Variants in UBE2U observed in about 807,000 individuals in gnomAD.
The protein encoded by UBE2U is ubiquitin conjugating enzyme E2 U.
Under a neutral mutation model 41.2 loss-of-function variants are expected in UBE2U, and 39 were observed. The observed-to-expected ratio is 0.95, with a 90% CI of 0.73 to 1.24. UBE2U has a LOEUF of 1.24. Ranked by LOEUF, UBE2U falls within the 50% of genes most tolerant of loss-of-function variation. UBE2U has a pLI of 0.00. For missense variants in UBE2U, 336 were observed against 363.1 expected, an observed-to-expected ratio of 0.93 and a Z score of 0.61; for synonymous variants, 107 against 117.8, an observed-to-expected ratio of 0.91 and a Z score of 0.60.
At chr1:64,222,106 A>AAC (rs1356322339) in intron 6 of UBE2U, among the ~76,000 whole-genome samples, 2 of 151,428 alleles carry the variant, frequency 1.3e-5, no homozygotes, top group Non-Finnish European at 2.9e-5. Context: ...AAAAAAAAAA[A>AAC]AAACACAAAA....
At chr1:64,241,834 A>T (rs1644840028) in intron 8 of UBE2U, 101 bp downstream of exon 8, 1 of 827,112 alleles carries the variant, frequency 1.2e-6, no homozygotes, top group Admixed American at 2.9e-5. Flanking sequence ...AACCCTTGGA[A>T]ATAACAACTT....
At chr1:64,239,149 AG>A (rs1451374169) in intron 7 of UBE2U, among the ~76,000 whole-genome samples, 14 of 24,220 alleles carry the variant, frequency 5.8e-4, no homozygotes, top group African/African-American at 2.8e-3. Context: ...AAGAAGAAGA[AG>A]AAGAAGAAAG....
intron 9 of UBE2U, 118 bp downstream of exon 9, chr1:64,260,812 G>A: frequency 2.8e-6 from 2 of 711,440 alleles, no homozygotes; most frequent in South Asian, 4.8e-5. Context: ...TAATCCTTGT[G>A]TTCTCCTTTT....
At chr1:64,225,271 T>C (rs145863897) in intron 6 of UBE2U, among the ~76,000 whole-genome samples, 38 of 151,822 alleles carry the variant, frequency 2.5e-4, no homozygotes, top group Non-Finnish European at 5.3e-4. Flanking sequence ...ATTGGGAGAG[T>C]AATGTGAAGA....
At chr1:64,230,227 TC>T (rs897156270) in intron 6 of UBE2U, among the ~76,000 whole-genome samples, 1 of 152,144 alleles carries the variant, frequency 6.6e-6, no homozygotes, top group Non-Finnish European at 1.5e-5. Flanking sequence ...TCCTATCTGG[TC>T]CCCTGGCATT....
At chr1:64,221,240 T>G (rs556179013) in intron 6 of UBE2U, among the ~76,000 whole-genome samples, 1 of 152,174 alleles carries the variant, frequency 6.6e-6, no homozygotes, top group South Asian at 2.1e-4. Flanking sequence ...GCCTCCCAAG[T>G]AGCTGCAATT....
At chr1:64,229,315 T>C (rs1324740688) in intron 6 of UBE2U, among the ~76,000 whole-genome samples, 1 of 152,110 alleles carries the variant, frequency 6.6e-6, no homozygotes, top group Non-Finnish European at 1.5e-5. Flanking sequence ...GTAGAAAAAC[T>C]ACAAGGAAGC....
intron 8 of UBE2U, among the ~76,000 whole-genome samples, chr1:64,256,486 T>G (rs1069696): frequency 0.18 from 27,925 of 151,818 alleles, 2,979 homozygotes; most frequent in Non-Finnish European, 0.24. Context: ...CTGTCTGATC[T>G]TCAACAAACC....
chr1:64,230,753 C>G (rs985900116), intron 6 of UBE2U, among the ~76,000 whole-genome samples: 1 of 152,176 alleles, frequency 6.6e-6, no homozygotes, highest in Non-Finnish European at 1.5e-5. Context: ...CCATATAACA[C>G]TTTATCGCGT....
chr1:64,211,180 G>T (rs1330066121), intron 4 of UBE2U, among the ~76,000 whole-genome samples: 1 of 152,138 alleles, frequency 6.6e-6, no homozygotes, highest in African/African-American at 2.4e-5. Context: ...AAGCCTTTTA[G>T]ATCTTTCTTC....
intron 8 of UBE2U, among the ~76,000 whole-genome samples, chr1:64,255,255 T>A (rs1476535265): frequency 6.6e-6 from 1 of 151,452 alleles, no homozygotes; most frequent in Non-Finnish European, 1.5e-5. Context: ...CAATAATGAG[T>A]TCTGAAATTG....
chr1:64,260,351 GT>G (rs995128368), intron 8 of UBE2U, among the ~76,000 whole-genome samples: 11 of 152,180 alleles, frequency 7.2e-5, no homozygotes, highest in African/African-American at 2.4e-4. Flanking sequence ...TTACTATGAT[GT>G]TTTTTACTAT....
Position 64,225,305 on chromosome 1 carries a change from T to G in UBE2U, c.506+4398T>G, listed in dbSNP as rs116101055. On this transcript the variant is annotated intron_variant, in intron 6 of 9. Transcript: ENST00000371077. ...GACCCTAAATTTAGTATTTGTATGC[T>G]GTGAGAGAATCAGTAAGAAGGCTGC... Among the ~76,000 whole-genome samples, 1,128 of 152,280 alleles carry G rather than the reference T, an allele frequency of 7.4e-3. 13 individuals are homozygous for G. Among genetic ancestry groups the G allele is most frequent in the African/African-American group, 0.026 (1,091 of 41,550 alleles).
rs1237111502 is a variant in UBE2U at position 64,210,847 on chromosome 1, T to C, written c.339+8T>C. The C allele has an allele frequency of 6.4e-7, 1 of 1,574,512 alleles. No homozygotes were observed. The highest frequency in any genetic ancestry group is 8.7e-7 in the Non-Finnish European group (1 of 1,154,264). On this transcript the variant is annotated splice_region_variant and intron_variant, in intron 4 of 9. Coordinates refer to ENST00000371077, the MANE Select transcript of UBE2U (RefSeq NM_001366232.2). ...ATCTTACTTGCCCTACAGGTAAGAA[T>C]GGATTTCATATAATCCTCTCTTTAA...
At chr1:64,215,212 C>T (rs568256833) in intron 5 of UBE2U, among the ~76,000 whole-genome samples, 32 of 151,470 alleles carry the variant, frequency 2.1e-4, no homozygotes, top group African/African-American at 7.0e-4. Flanking sequence ...GCCCGGGCAA[C>T]GAGAGTGAAA....
At chr1:64,211,653 T>C (rs1239176665) in intron 4 of UBE2U, among the ~76,000 whole-genome samples, 3 of 151,576 alleles carry the variant, frequency 2.0e-5, no homozygotes, top group Admixed American at 1.3e-4. Context: ...GTTGCTCAGG[T>C]TGGCCTCAAA....
Position 64,206,988 on chromosome 1 carries a change from A to G in UBE2U, c.241+132A>G. ...AAGAACTCTCATTGGGGAAAATATG[A>G]AAAGGCTGGAAAAAATTAGCAATCA... On this transcript the variant is annotated intron_variant, in intron 3 of 9. Transcript: ENST00000371077. 1.8e-5 allele frequency: 12 copies of G among 650,474 alleles called. No homozygotes were observed. In the South Asian group the frequency reaches 2.4e-4, roughly 13 times the overall value. 40.3% of individuals were successfully genotyped at this position (650,474 alleles called of 1,614,324 possible). A position where few individuals can be genotyped will look rare whatever the true frequency, so the allele number is the denominator to read the frequency against.
intron 9 of UBE2U, among the ~76,000 whole-genome samples, chr1:64,261,361 TACTC>T (rs1322793623): frequency 6.6e-6 from 1 of 152,194 alleles, no homozygotes; most frequent in Non-Finnish European, 1.5e-5. Flanking sequence ...AATCTGCCCT[TACTC>T]ACAGGATTCT....
At chr1:64,218,131 C>A (rs1483936064) in intron 5 of UBE2U, among the ~76,000 whole-genome samples, 1 of 152,062 alleles carries the variant, frequency 6.6e-6, no homozygotes, top group Non-Finnish European at 1.5e-5. Flanking sequence ...CGGGGGAACA[C>A]AAAATTTAGT....
Sources: allele counts gnomAD v4.1 joint callset (sites outside exome capture counted in the v4.1 genomes callset), GRCh38; gene constraint gnomAD v4.1.1; transcripts MANE v1.5; gene names NCBI Gene and HGNC (gene_info 2026-07-23, HGNC 2026-07-21).